The following PRKCH variants were observed in gnomAD, a reference collection of about 807,000 sequenced individuals.
PRKCH encodes the protein protein kinase C eta type.
In PRKCH, 28 loss-of-function variants were observed where a neutral mutation model predicts 82.5. The observed-to-expected ratio is 0.34, with a 90% confidence interval of 0.25 to 0.47. The LOEUF (loss-of-function observed/expected upper bound fraction) is 0.47, where lower values mean the gene tolerates loss of function less well. Among genes scored for constraint, PRKCH ranks in the 20% least tolerant of loss-of-function variants. The pLI is 1.00. For missense variants in PRKCH, 705 were observed against 881.8 expected (o/e 0.80, Z 2.54); for synonymous variants, 322 against 327.4 (o/e 0.98, Z 0.18).
In PRKCH at chr14:61,530,552, A is replaced by G. The variant is rs1417752804; in HGVS notation, c.1718A>G (p.Tyr573Cys). The G allele has an allele frequency of 6.2e-7, 1 of 1,608,834 alleles. No homozygotes were observed. Among genetic ancestry groups the G allele is most frequent in the Non-Finnish European group, 8.5e-7 (1 of 1,177,492 alleles). The change falls in exon 12 of 14, where the codon TAC becomes TGC. Residue 573 changes from tyrosine to cysteine, a missense_variant. Physicochemically the swap from Tyr to Cys is radical, Grantham distance 194. Transcript: ENST00000332981. ...FEAILNDEVVYPTWLHEDATG... is the reference protein window; with the variant it reads ...FEAILNDEVVCPTWLHEDATG... ...GCCATACTGAATGATGAGGTGGTCTACCCTACCTGGCTCCATGAAGATGCC... is the reference window on the plus strand; with the variant it reads ...GCCATACTGAATGATGAGGTGGTCTGCCCTACCTGGCTCCATGAAGATGCC...
At chr14:61,547,959 G>C in intron 13 of PRKCH, 73 bp downstream of exon 13, 3 of 1,560,808 alleles carry the variant, frequency 1.9e-6, no homozygotes, top group Non-Finnish European at 2.6e-6. Flanking sequence ...GTCCGTAGAA[G>C]AGCTGGATGG....
intron 10 of PRKCH, among the ~76,000 whole-genome samples, chr14:61,503,136 G>C (rs180964878): frequency 2.4e-4 from 36 of 151,880 alleles, no homozygotes; most frequent in Middle Eastern, 3.4e-3. Flanking sequence ...ATTACTGTGG[G>C]GCTGTCCATT....
rs1423675219 is a variant in PRKCH, at chr14:61,361,271, G to C, written c.364-29954G>C. 2.0e-5 allele frequency: 3 copies of C among 152,288 alleles called. No homozygotes were observed. In the East Asian group the frequency reaches 5.8e-4, roughly 29 times the overall value. 9.4% of individuals were successfully genotyped at this position (152,288 alleles called of 1,614,324 possible). A position where few individuals can be genotyped will look rare whatever the true frequency, so the allele number is the denominator to read the frequency against. On this transcript the variant is annotated intron_variant, in intron 1 of 13. Coordinates refer to ENST00000332981, the MANE Select transcript of PRKCH (RefSeq NM_006255.5). Reference sequence around the variant, plus strand: ...ACCATCCTGTTACTCTTCTGCATGCGGTGTCCCCTTACTGAGGAACAGAAT... The same window carrying C: ...ACCATCCTGTTACTCTTCTGCATGCCGTGTCCCCTTACTGAGGAACAGAAT...
chr14:61,491,529 C>G (rs977060898), intron 10 of PRKCH, among the ~76,000 whole-genome samples: 1 of 152,186 alleles, frequency 6.6e-6, no homozygotes, highest in South Asian at 2.1e-4. Flanking sequence ...GCTTGTCATG[C>G]CTTGCTGTGC....
chr14:61,368,323 A>G (rs568731732), intron 1 of PRKCH, among the ~76,000 whole-genome samples: 2 of 151,870 alleles, frequency 1.3e-5, no homozygotes, highest in South Asian at 4.1e-4. Flanking sequence ...GTCATGGGAA[A>G]AAAAAAAAAG....
chr14:61,381,541 G>A (rs1235345224), intron 1 of PRKCH, among the ~76,000 whole-genome samples: 1 of 152,246 alleles, frequency 6.6e-6, no homozygotes, highest in Non-Finnish European at 1.5e-5. Context: ...CCATGTCGGG[G>A]GGATACCTTG....
chr14:61,378,714 A>AATG (rs1218317844), intron 1 of PRKCH, among the ~76,000 whole-genome samples: 1 of 152,100 alleles, frequency 6.6e-6, no homozygotes, highest in Non-Finnish European at 1.5e-5. Flanking sequence ...TGTCTCAGTT[A>AATG]ATGGCACCAG....
intron 9 of PRKCH, among the ~76,000 whole-genome samples, chr14:61,461,111 G>A (rs957914030): frequency 6.6e-6 from 1 of 152,152 alleles, no homozygotes; most frequent in African/African-American, 2.4e-5. Context: ...CTCCTCATTG[G>A]TCCTCAGTGG....
At chr14:61,310,898 C>T (rs1221713863) in intron 1 of PRKCH, among the ~76,000 whole-genome samples, 3 of 152,250 alleles carry the variant, frequency 2.0e-5, no homozygotes, top group Admixed American at 6.5e-5. Flanking sequence ...GCAGGCCCAA[C>T]GCCAAGTGGA....
chr14:61,498,440 G>T (rs1311356825), intron 10 of PRKCH, among the ~76,000 whole-genome samples: 2 of 152,150 alleles, frequency 1.3e-5, no homozygotes, highest in African/African-American at 4.8e-5. Context: ...ACCACTCCTT[G>T]TCTGTGAAAC....
chr14:61,288,834 G>A (rs1239896820), intron 1 of PRKCH, among the ~76,000 whole-genome samples: 1 of 152,198 alleles, frequency 6.6e-6, no homozygotes, highest in Non-Finnish European at 1.5e-5. Context: ...TGGGATGCAA[G>A]GAACGGAAAC....
chr14:61,529,067 T>C lies in PRKCH; in HGVS notation c.1434-8T>C. On this transcript the variant is annotated splice_region_variant and splice_polypyrimidine_tract_variant and intron_variant, in intron 10 of 13. Coordinates refer to ENST00000332981, the MANE Select transcript of PRKCH (RefSeq NM_006255.5). The stretch of plus-strand genomic sequence containing the variant: ...GCCCTATCTCGTGCTGCTCTTTGTA[T>C]CTTTCAGAGATCTGAAACTGGACAA... The C allele has an allele frequency of 6.2e-7, 1 of 1,610,106 alleles. No homozygotes were observed. Among genetic ancestry groups the C allele is most frequent in the Non-Finnish European group, 8.5e-7 (1 of 1,177,872 alleles).
rs148384770 is a variant in PRKCH at position 61,374,241 on chromosome 14, C to T, written c.364-16984C>T. 6.2e-3 allele frequency among the ~76,000 whole-genome samples: 949 copies of T among 152,280 alleles called. 10 individuals are homozygous for T. The highest frequency in any genetic ancestry group is 0.051 in the Middle Eastern group (15 of 294). ...GCTCCGAATGTCTTGGGCAGTTCTA[C>T]TCTGTGCCTATGCAGGGTACAGCCC... On this transcript the variant is annotated intron_variant, in intron 1 of 13. Transcript: ENST00000332981.
At chr14:61,249,253 G>A (rs2044917653) in intron 1 of PRKCH, among the ~76,000 whole-genome samples, 1 of 152,184 alleles carries the variant, frequency 6.6e-6, no homozygotes, top group African/African-American at 2.4e-5. Flanking sequence ...AGCTTTAACA[G>A]TGACTGCAGC....
At chr14:61,190,212 G>T (rs769508006) in intron 1 of PRKCH, among the ~76,000 whole-genome samples, 3 of 152,148 alleles carry the variant, frequency 2.0e-5, no homozygotes, top group Non-Finnish European at 4.4e-5. Context: ...CTGCTCTTCT[G>T]AATAAAACAA....
At chr14:61,271,886 C>T (rs1326300662) in intron 1 of PRKCH, among the ~76,000 whole-genome samples, 1 of 152,194 alleles carries the variant, frequency 6.6e-6, no homozygotes, top group Non-Finnish European at 1.5e-5. Flanking sequence ...CTCTTCAAAC[C>T]TCTGTTTCTG....
intron 1 of PRKCH, among the ~76,000 whole-genome samples, chr14:61,308,708 A>G (rs1459780642): frequency 3.3e-5 from 5 of 152,148 alleles, no homozygotes; most frequent in African/African-American, 1.2e-4. Flanking sequence ...GGTTCACTGC[A>G]GCCTCAAACT....
chr14:61,318,786 G>A (rs552461577), upstream of PRKCH, among the ~76,000 whole-genome samples: 41 of 151,982 alleles, frequency 2.7e-4, no homozygotes, highest in East Asian at 7.0e-3. Context: ...ATCCACCCCC[G>A]AGAGAGATAT....
chr14:61,485,864 C>T (rs1461518532), intron 10 of PRKCH, among the ~76,000 whole-genome samples: 2 of 152,186 alleles, frequency 1.3e-5, no homozygotes, highest in Non-Finnish European at 2.9e-5. Flanking sequence ...TCACTGCAGC[C>T]GGTCCATCTG....
Sources: gnomAD v4.1 joint callset for allele counts (sites outside exome capture counted in the v4.1 genomes callset) on GRCh38, gnomAD v4.1.1 for gene constraint, MANE v1.5 for transcripts, NCBI Gene and HGNC (gene_info 2026-07-23, HGNC 2026-07-21) for gene names.